ASXL2: variants seen among roughly 807,000 people sequenced by gnomAD.
The protein encoded by ASXL2 is ASXL transcriptional regulator 2, also known as putative Polycomb group protein ASXL2.
Under a neutral mutation model 122.0 loss-of-function variants are expected in ASXL2, and 23 were observed. That is an observed-to-expected ratio of 0.19 (90% CI 0.14 to 0.27). The LOEUF (loss-of-function observed/expected upper bound fraction) is 0.27, where lower values mean the gene tolerates loss of function less well. Ranked by LOEUF, ASXL2 falls within the 10% of genes least tolerant of loss-of-function variation. ASXL2 has a pLI of 1.00. For synonymous variants in ASXL2, 650 were observed against 637.0 expected, an observed-to-expected ratio of 1.02 and a Z score of -0.31; for missense variants, 1,518 against 1,713.8, an observed-to-expected ratio of 0.89 and a Z score of 2.02.
Position 25,740,645 on chromosome 2 carries a change from A to C in ASXL2, c.*1384T>G, listed in dbSNP as rs1324179167. On this transcript the variant is annotated 3_prime_UTR_variant, in exon 13 of 13. Transcript: ENST00000435504. ...TTTAAAAACAAAAAAGGAAACAAGA[A>C]AGAAAAAGAAACAAAAACAAGCAAC... is the stretch of plus-strand genomic sequence containing the variant. 3 of 227,672 alleles carry C rather than the reference A, an allele frequency of 1.3e-5. No homozygotes were observed. Among genetic ancestry groups the C allele is most frequent in the Non-Finnish European group, 2.6e-5 (3 of 114,688 alleles). 14.1% of individuals were successfully genotyped at this position (227,672 alleles called of 1,614,324 possible).
intron 6 of ASXL2, among the ~76,000 whole-genome samples, chr2:25,770,483 G>A (rs573726533): frequency 3.9e-5 from 6 of 152,294 alleles, no homozygotes; most frequent in Non-Finnish European, 5.9e-5. Context: ...GGCCAGGTGC[G>A]GTGGCTCACG....
chr2:25,770,043 T>C (rs2088419301), intron 6 of ASXL2, among the ~76,000 whole-genome samples: 1 of 152,224 alleles, frequency 6.6e-6, no homozygotes, highest in African/African-American at 2.4e-5. Flanking sequence ...CTCTCATTCT[T>C]TGCAATTAGA....
intron 3 of ASXL2, among the ~76,000 whole-genome samples, chr2:25,819,432 T>C (rs191804342): frequency 6.6e-6 from 1 of 152,164 alleles, no homozygotes; most frequent in African/African-American, 2.4e-5. Flanking sequence ...ATCTTTACAG[T>C]GAAGAAACAG....
rs746907412 is a variant in ASXL2 at position 25,749,919 on chromosome 2, G to A, written c.1637C>T (p.Pro546Leu). 6 of 1,613,828 alleles carry A rather than the reference G, an allele frequency of 3.7e-6. No individual in the cohort carries two copies. In the South Asian group the frequency reaches 4.4e-5, roughly 12 times the overall value. The change falls in exon 12 of 13, where the codon CCA (proline) becomes CTA (leucine). Residue 546 changes from proline to leucine, a missense_variant. Physicochemically the swap from Pro to Leu is moderately conservative, Grantham distance 98 (BLOSUM62 -3). Transcript: ENST00000435504. ...PIVKPTAGAG[P>L]QETNMKEPLA... ...AGGTTCTTTCATATTAGTCTCCTGT[G>A]GACCCGCTCCTGCTGTGGGCTTCAC...
intron 8 of ASXL2, among the ~76,000 whole-genome samples, chr2:25,766,943 C>G (rs1004196596): frequency 1.3e-5 from 2 of 152,158 alleles, no homozygotes; most frequent in African/African-American, 2.4e-5. Flanking sequence ...AATTCTTGAG[C>G]CTTCCCGGTG....
chr2:25,833,738 C>A (rs2089479750), intron 3 of ASXL2, among the ~76,000 whole-genome samples: 1 of 152,034 alleles, frequency 6.6e-6, no homozygotes, highest in African/African-American at 2.4e-5. Context: ...ACTATGCCCT[C>A]CCCTACTGGA....
At position 25,754,814 on chromosome 2, in the gene ASXL2, G is replaced by A. The variant is rs534498640; in HGVS notation, c.1037-1175C>T. 7.9e-5 allele frequency among the ~76,000 whole-genome samples: 12 copies of A among 151,334 alleles called. No homozygotes were observed. In the South Asian group the frequency reaches 2.5e-3, roughly 32 times the overall value. ...AGAAAGGTACCGGTAGAACTGGTAT[G>A]TTTTAATCTTTCTGAGAAAAAAAAA... On this transcript the variant is annotated intron_variant, in intron 10 of 12. Coordinates refer to ENST00000435504, the MANE Select transcript of ASXL2 (RefSeq NM_018263.6).
chr2:25,754,626 T>G (rs2088102453), intron 10 of ASXL2, among the ~76,000 whole-genome samples: 1 of 152,160 alleles, frequency 6.6e-6, no homozygotes, highest in Non-Finnish European at 1.5e-5. Flanking sequence ...CAAGTTGTTG[T>G]TCATAAAATA....
chr2:25,850,035 C>T (rs923323906), intron 1 of ASXL2, among the ~76,000 whole-genome samples: 1 of 152,102 alleles, frequency 6.6e-6, no homozygotes, highest in South Asian at 2.1e-4. Flanking sequence ...ATACCCATCA[C>T]CCATTTTCAA....
chr2:25,763,065 A>G (rs906614649), intron 8 of ASXL2, among the ~76,000 whole-genome samples: 4 of 152,226 alleles, frequency 2.6e-5, no homozygotes, highest in Admixed American at 2.6e-4. Flanking sequence ...ACTTCAAAAC[A>G]TGTGAAATAA....
chr2:25,756,451 G>C (rs1257588605), intron 9 of ASXL2, among the ~76,000 whole-genome samples: 1 of 45,932 alleles, frequency 2.2e-5, no homozygotes, highest in Non-Finnish European at 4.3e-5. Context: ...TTCAGATAAT[G>C]ACAAAAAAAA....
chr2:25,757,600 A>G (rs2088158108), intron 9 of ASXL2, among the ~76,000 whole-genome samples: 1 of 138,614 alleles, frequency 7.2e-6, no homozygotes, highest in Non-Finnish European at 1.5e-5. Context: ...CCTTGAACCC[A>G]GGAGGCGGAG....
intron 1 of ASXL2, among the ~76,000 whole-genome samples, chr2:25,869,619 C>T (rs933531699): frequency 6.6e-6 from 1 of 151,928 alleles, no homozygotes; most frequent in Non-Finnish European, 1.5e-5. Context: ...GTCAGGAGTT[C>T]GAGACCAGCC....
At chr2:25,814,200 A>G (rs1032686085) in intron 3 of ASXL2, among the ~76,000 whole-genome samples, 1 of 152,266 alleles carries the variant, frequency 6.6e-6, no homozygotes, top group Non-Finnish European at 1.5e-5. Context: ...AAATTTAGGC[A>G]TGATCTCAGG....
Position 25,799,244 on chromosome 2 carries a change from A to G in ASXL2, c.403+141T>C, listed in dbSNP as rs893331634. On this transcript the variant is annotated intron_variant, in intron 5 of 12. Transcript: ENST00000435504. Reference sequence around the variant, plus strand: ...AAGATATAAACATCTCCATCATTGCAGAAAACTCTCCTTGACAGGACTGTT... The same window carrying G: ...AAGATATAAACATCTCCATCATTGCGGAAAACTCTCCTTGACAGGACTGTT... The G allele has an allele frequency of 4.4e-6, 5 of 1,130,202 alleles. No homozygotes were observed. The African/African-American group carries it at 7.7e-5, about 17-fold the overall frequency. 70.0% of individuals were successfully genotyped at this position (1,130,202 alleles called of 1,614,324 possible).
intron 8 of ASXL2, among the ~76,000 whole-genome samples, chr2:25,765,791 A>G (rs2088338464): frequency 1.3e-5 from 2 of 152,200 alleles, no homozygotes; most frequent in South Asian, 4.1e-4. Context: ...TGAGGAAGAA[A>G]TATTGCTCTG....
chr2:25,795,464 C>A (rs1282524315), intron 5 of ASXL2, among the ~76,000 whole-genome samples: 3 of 152,178 alleles, frequency 2.0e-5, no homozygotes, highest in Non-Finnish European at 4.4e-5. Flanking sequence ...CATCTTAACA[C>A]ATTCACCTCA....
At chr2:25,791,962 G>A (rs1476990600) in intron 5 of ASXL2, among the ~76,000 whole-genome samples, 1 of 152,176 alleles carries the variant, frequency 6.6e-6, no homozygotes, top group African/African-American at 2.4e-5. Context: ...ACAGACTGGA[G>A]AAGGCATGAG....
chr2:25,850,884 C>T (rs975649568), intron 1 of ASXL2, among the ~76,000 whole-genome samples: 2 of 152,130 alleles, frequency 1.3e-5, no homozygotes, highest in Admixed American at 6.6e-5. Flanking sequence ...CGGTGGCTCA[C>T]GCCTGTAATC....
Sources: gnomAD v4.1 joint callset for allele counts (sites outside exome capture counted in the v4.1 genomes callset) on GRCh38, gnomAD v4.1.1 for gene constraint, MANE v1.5 for transcripts, NCBI Gene and HGNC (gene_info 2026-07-23, HGNC 2026-07-21) for gene names.